Variants in SDK1 observed in about 807,000 individuals in gnomAD.
The protein encoded by SDK1 is sidekick cell adhesion molecule 1.
Under a neutral mutation model 245.5 loss-of-function variants are expected in SDK1, and 157 were observed. That is an observed-to-expected ratio of 0.64 (90% CI 0.56 to 0.73). The LOEUF (loss-of-function observed/expected upper bound fraction) is 0.73, where lower values mean the gene tolerates loss of function less well. SDK1 is among the 30% of genes least tolerant of loss of function. The probability of loss-of-function intolerance (pLI) is 0.00; values close to 1 mark genes in which losing one functional copy is unlikely to be tolerated. For synonymous variants in SDK1, 1,647 were observed against 1,278.5 expected, an observed-to-expected ratio of 1.29 and a Z score of -6.15; for missense variants, 3,583 against 3,002.3, an observed-to-expected ratio of 1.19 and a Z score of -4.52.
intron 5 of SDK1, among the ~76,000 whole-genome samples, chr7:3,915,234 G>A (rs1263281532): frequency 6.6e-6 from 1 of 152,178 alleles, no homozygotes. Flanking sequence ...CAGCTCACTC[G>A]CTGTAGAAAG....
chr7:3,932,877 C>G (rs921907031), intron 5 of SDK1, among the ~76,000 whole-genome samples: 34 of 152,164 alleles, frequency 2.2e-4, no homozygotes, highest in African/African-American at 8.2e-4. Context: ...CCACCTCTGT[C>G]TCACCTGTGT....
intron 44 of SDK1, among the ~76,000 whole-genome samples, chr7:4,253,370 T>C (rs994847765): frequency 6.6e-6 from 1 of 152,220 alleles, no homozygotes. Context: ...TAATTTTCTG[T>C]GTAATTTCTT....
intron 1 of SDK1, among the ~76,000 whole-genome samples, chr7:3,549,925 G>C (rs1487638551): frequency 6.6e-6 from 1 of 151,954 alleles, no homozygotes; most frequent in Non-Finnish European, 1.5e-5. Context: ...TGGTGCATGT[G>C]GCATGAAAAT....
chr7:4,221,413 T>C (rs1295867511), intron 40 of SDK1, 49 bp downstream of exon 40: 1 of 1,556,992 alleles, frequency 6.4e-7, no homozygotes, highest in Non-Finnish European at 8.7e-7. Context: ...CGGACGGCAG[T>C]GCTTCTAAGA....
At chr7:4,121,632 G>T (rs1784072586) in intron 25 of SDK1, among the ~76,000 whole-genome samples, 1 of 152,104 alleles carries the variant, frequency 6.6e-6, no homozygotes, top group African/African-American at 2.4e-5. Flanking sequence ...TGTGAAAATG[G>T]ACTGATACAT....
intron 5 of SDK1, among the ~76,000 whole-genome samples, chr7:3,943,616 G>A (rs1780460994): frequency 2.0e-5 from 3 of 151,410 alleles, no homozygotes; most frequent in South Asian, 4.2e-4. Context: ...CCAACCCGGC[G>A]CACGGTGCGG....
intron 8 of SDK1, among the ~76,000 whole-genome samples, chr7:3,961,934 TAC>T (rs773693223): frequency 6.6e-5 from 10 of 152,008 alleles, no homozygotes; most frequent in East Asian, 5.8e-4. Flanking sequence ...CACACACATA[TAC>T]ACACACGCAC....
chr7:4,178,374 C>T (rs1782376329), intron 34 of SDK1, 111 bp from the exon 35 acceptor site: 2 of 784,790 alleles, frequency 2.5e-6, no homozygotes, highest in African/African-American at 1.7e-5. Context: ...ACAATCCCGC[C>T]TCCTCTCCTT....
At chr7:4,088,553 TG>T (rs1182198225) in intron 22 of SDK1, among the ~76,000 whole-genome samples, 2 of 141,472 alleles carry the variant, frequency 1.4e-5, no homozygotes, top group African/African-American at 5.6e-5. Flanking sequence ...TCCTAGGAGT[TG>T]GTTTTTTTTT....
intron 4 of SDK1, among the ~76,000 whole-genome samples, chr7:3,669,779 A>T (rs1317189981): frequency 6.6e-6 from 1 of 152,134 alleles, no homozygotes; most frequent in Non-Finnish European, 1.5e-5. Context: ...TTTCAAACCT[A>T]TGTATTCAAC....
intron 32 of SDK1, among the ~76,000 whole-genome samples, chr7:4,170,322 C>T (rs895371622): frequency 6.6e-6 from 1 of 152,118 alleles, no homozygotes; most frequent in Non-Finnish European, 1.5e-5. Context: ...TGGTGCAGGT[C>T]TGTAGTCCCA....
intron 26 of SDK1, 77 bp from the exon 27 acceptor site, chr7:4,129,831 G>A: frequency 2.5e-6 from 4 of 1,582,410 alleles, no homozygotes; most frequent in Non-Finnish European, 3.4e-6. Flanking sequence ...GATTCACGAA[G>A]GGGGCCTGCC....
rs1014500141 is a variant in SDK1, at chr7:3,818,965, G to A, written c.714-2485G>A. Among the ~76,000 whole-genome samples, 13 of 152,180 alleles carry A rather than the reference G, an allele frequency of 8.5e-5. No homozygotes were observed. The South Asian group carries it at 1.0e-3, about 12-fold the overall frequency. ...TGGTTGCCACGACAAAATCAGGGCC[G>A]CTAAGAAAGAAGACAGGATGGGCAC... On this transcript the variant is annotated intron_variant, in intron 4 of 44. Transcript: ENST00000404826.
intron 4 of SDK1, among the ~76,000 whole-genome samples, chr7:3,723,705 C>G (rs1778897582): frequency 6.7e-6 from 1 of 148,630 alleles, no homozygotes; most frequent in Non-Finnish European, 1.5e-5. Flanking sequence ...CGTACATATA[C>G]ATATACACGT....
chr7:3,615,328 G>T (rs540657283), intron 1 of SDK1, among the ~76,000 whole-genome samples: 1 of 151,688 alleles, frequency 6.6e-6, no homozygotes, highest in South Asian at 2.1e-4. Flanking sequence ...GATGATTTTT[G>T]CTGAAGTACA....
intron 22 of SDK1, among the ~76,000 whole-genome samples, chr7:4,109,216 G>A (rs1210180307): frequency 5.9e-5 from 9 of 152,200 alleles, no homozygotes; most frequent in Non-Finnish European, 1.3e-4. Flanking sequence ...CGGTGACTGT[G>A]TGTAGCTTTT....
At chr7:3,818,860 A>G (rs186918193) in intron 4 of SDK1, among the ~76,000 whole-genome samples, 61 of 152,308 alleles carry the variant, frequency 4.0e-4, no homozygotes, top group African/African-American at 1.3e-3. Context: ...ACGTTGGACA[A>G]AATGATCAAG....
At chr7:3,994,795 G>A (rs1205185163) in intron 14 of SDK1, among the ~76,000 whole-genome samples, 1 of 152,012 alleles carries the variant, frequency 6.6e-6, no homozygotes, top group East Asian at 1.9e-4. Flanking sequence ...TGCCACCACT[G>A]ACCCTAACTG....
intron 5 of SDK1, among the ~76,000 whole-genome samples, chr7:3,853,254 G>T (rs922812393): frequency 6.6e-6 from 1 of 152,112 alleles, no homozygotes; most frequent in African/African-American, 2.4e-5. Flanking sequence ...CCTCGACTTG[G>T]ACATGGTTTG....
Sources: allele counts gnomAD v4.1 joint callset (sites outside exome capture counted in the v4.1 genomes callset), GRCh38; gene constraint gnomAD v4.1.1; transcripts MANE v1.5; gene names NCBI Gene and HGNC (gene_info 2026-07-23, HGNC 2026-07-21).